The following RBFOX1 variants were observed in gnomAD, a reference collection of about 807,000 sequenced individuals.
The protein encoded by RBFOX1 is RNA binding protein fox-1 homolog 1.
Under a neutral mutation model 57.7 loss-of-function variants are expected in RBFOX1, and 8 were observed. That is an observed-to-expected ratio of 0.14 (90% CI 0.08 to 0.25). The LOEUF (loss-of-function observed/expected upper bound fraction) is 0.25, where lower values mean the gene tolerates loss of function less well. Ranked by LOEUF, RBFOX1 falls within the 10% of genes least tolerant of loss-of-function variation. The probability of loss-of-function intolerance (pLI) is 1.00; values close to 1 mark genes in which losing one functional copy is unlikely to be tolerated. For synonymous variants in RBFOX1, 326 were observed against 222.4 expected, an observed-to-expected ratio of 1.47 and a Z score of -4.15; for missense variants, 611 against 548.5, an observed-to-expected ratio of 1.11 and a Z score of -1.14.
chr16:6,226,959 A>T (rs1040896252), intron 1 of RBFOX1, among the ~76,000 whole-genome samples: 6 of 151,442 alleles, frequency 4.0e-5, no homozygotes, highest in Non-Finnish European at 8.8e-5. Context: ...AAAAAAAAAA[A>T]AAAAAAATAC....
intron 2 of RBFOX1, among the ~76,000 whole-genome samples, chr16:5,585,048 T>C (rs1295835986): frequency 6.6e-6 from 1 of 152,198 alleles, no homozygotes; most frequent in Non-Finnish European, 1.5e-5. Flanking sequence ...ATTTTGGAGT[T>C]AACAATTCAG....
chr16:7,026,076 T>C (rs2040832246), intron 3 of RBFOX1, among the ~76,000 whole-genome samples: 1 of 152,128 alleles, frequency 6.6e-6, no homozygotes, highest in African/African-American at 2.4e-5. Flanking sequence ...GTGTCCAGGC[T>C]GGGGTGCTTG....
At chr16:5,683,832 T>C (rs2050421486) in intron 3 of RBFOX1, among the ~76,000 whole-genome samples, 1 of 148,938 alleles carries the variant, frequency 6.7e-6, no homozygotes, top group Non-Finnish European at 1.5e-5. Flanking sequence ...TTAATGTATA[T>C]TATATGTAAA....
intron 4 of RBFOX1, among the ~76,000 whole-genome samples, chr16:7,167,936 G>A (rs891033556): frequency 6.6e-6 from 1 of 152,184 alleles, no homozygotes; most frequent in Non-Finnish European, 1.5e-5. Context: ...ATGCTGCGGG[G>A]TAGGGGATGT....
intron 1 of RBFOX1, among the ~76,000 whole-genome samples, chr16:6,152,971 A>C (rs1427028980): frequency 6.6e-6 from 1 of 151,480 alleles, no homozygotes; most frequent in African/African-American, 2.4e-5. Flanking sequence ...TTCTGGATCT[A>C]GGCCTTTTTC....
chr16:7,361,934 G>A (rs1180207072), intron 4 of RBFOX1, among the ~76,000 whole-genome samples: 2 of 151,354 alleles, frequency 1.3e-5, no homozygotes, highest in Admixed American at 6.6e-5. Flanking sequence ...GTGTTAGTGT[G>A]TATGTGTGTG....
rs755156249 is a variant in RBFOX1 at position 7,608,444 on chromosome 16, A to T, written c.676+1106A>T. ...CGATGTTTGGAGTTGTTCTTCATGTATGAGTTTTACCGGGAGCCTGGGTTA... is the reference window on the plus strand; with the variant it reads ...CGATGTTTGGAGTTGTTCTTCATGTTTGAGTTTTACCGGGAGCCTGGGTTA... On this transcript the variant is annotated intron_variant, in intron 10 of 15. Transcript: ENST00000550418. Among the ~76,000 whole-genome samples the T allele has an allele frequency of 5.3e-5, 8 of 152,342 alleles. No individual in the cohort carries two copies. The South Asian group carries it at 6.2e-4, about 12-fold the overall frequency.
chr16:6,522,298 G>C (rs1338002649), intron 2 of RBFOX1, among the ~76,000 whole-genome samples: 1 of 151,952 alleles, frequency 6.6e-6, no homozygotes, highest in Non-Finnish European at 1.5e-5. Flanking sequence ...ATTCAGAAGT[G>C]ATGGGAGGGA....
chr16:5,267,616 T>C (rs1374027149), intron 1 of RBFOX1, among the ~76,000 whole-genome samples: 1 of 152,046 alleles, frequency 6.6e-6, no homozygotes. Context: ...AAGGTTTGAG[T>C]TGAGATAGGG....
chr16:5,533,442 A>C (rs2044566607), intron 2 of RBFOX1, among the ~76,000 whole-genome samples: 1 of 152,174 alleles, frequency 6.6e-6, no homozygotes, highest in Non-Finnish European at 1.5e-5. Flanking sequence ...TTGCAGGCAC[A>C]CTGAGAGGGG....
chr16:6,511,104 C>T lies in RBFOX1; in HGVS notation c.-63-143499C>T, dbSNP rs574270108. Among the ~76,000 whole-genome samples, 7 of 152,244 alleles carry T rather than the reference C, an allele frequency of 4.6e-5. No homozygotes were observed. In the South Asian group the frequency reaches 6.2e-4, roughly 14 times the overall value. On this transcript the variant is annotated intron_variant, in intron 2 of 15. Coordinates refer to ENST00000550418, the MANE Select transcript of RBFOX1 (RefSeq NM_018723.4). The stretch of plus-strand genomic sequence containing the variant: ...AGCGTGGATCAGAATGGCTTTTCCA[C>T]GTAAGAGCAGGCACTGGATAAAGCC...
chr16:6,902,890 C>A (rs990938243), intron 3 of RBFOX1, among the ~76,000 whole-genome samples: 4 of 152,162 alleles, frequency 2.6e-5, no homozygotes, highest in Non-Finnish European at 5.9e-5. Flanking sequence ...GACTAAGCTC[C>A]TACTTTAGGC....
At chr16:5,813,459 T>A (rs1225057483) in intron 3 of RBFOX1, among the ~76,000 whole-genome samples, 1 of 152,166 alleles carries the variant, frequency 6.6e-6, no homozygotes, top group African/African-American at 2.4e-5. Context: ...ATCTATACAA[T>A]GGAATATGAT....
At chr16:5,941,207 G>A (rs865794665) in intron 4 of RBFOX1, among the ~76,000 whole-genome samples, 1 of 152,036 alleles carries the variant, frequency 6.6e-6, no homozygotes, top group African/African-American at 2.4e-5. Context: ...AGTAAAGAAG[G>A]GCCCAGGAGT....
At chr16:6,220,100 A>T (rs2097362433) in intron 1 of RBFOX1, among the ~76,000 whole-genome samples, 1 of 152,104 alleles carries the variant, frequency 6.6e-6, no homozygotes, top group South Asian at 2.1e-4. Context: ...ATATGTACAT[A>T]TATAAGGGTA....
At position 7,490,138 on chromosome 16, in the gene RBFOX1, C is replaced by A. The variant is rs576129935; in HGVS notation, c.28-28009C>A. ...TGAATGGAGGAGGCTGCAGAACTTCCTTCAGTCTTCTGAGCCATAATAAAT... is the reference window on the plus strand; with the variant it reads ...TGAATGGAGGAGGCTGCAGAACTTCATTCAGTCTTCTGAGCCATAATAAAT... On this transcript the variant is annotated intron_variant, in intron 4 of 15. Coordinates refer to ENST00000550418, the MANE Select transcript of RBFOX1 (RefSeq NM_018723.4). Among the ~76,000 whole-genome samples the A allele has an allele frequency of 2.0e-5, 3 of 152,292 alleles. No individual in the cohort carries two copies. In the East Asian group the frequency reaches 5.8e-4, roughly 29 times the overall value.
rs78962132 is a variant in RBFOX1 at position 5,346,099 on chromosome 16, G to A, written c.219+105994G>A. ...AGCCCACTACCTGGTGAAGGAGACA[G>A]ACAAGCGCACAGAGAAGTATGGCAG... On this transcript the variant is annotated intron_variant, in intron 1 of 2. Coordinates refer to the RBFOX1 transcript ENST00000585867. Among the ~76,000 whole-genome samples the A allele has an allele frequency of 4.4e-3, 670 of 152,338 alleles. 6 individuals are homozygous for A. The highest frequency in any genetic ancestry group is 0.015 in the African/African-American group (642 of 41,578).
intron 11 of RBFOX1, among the ~76,000 whole-genome samples, chr16:7,639,142 T>G (rs955970284): frequency 4.6e-5 from 7 of 152,178 alleles, no homozygotes; most frequent in Non-Finnish European, 8.8e-5. Context: ...AATGATCAAA[T>G]CTGGTTTCAG....
chr16:6,117,005 A>G (rs1174898428), intron 1 of RBFOX1, among the ~76,000 whole-genome samples: 4 of 152,208 alleles, frequency 2.6e-5, no homozygotes, highest in Non-Finnish European at 2.9e-5. Context: ...AGTATTAAAC[A>G]TCTAGTTCTG....
Sources: gnomAD v4.1 joint callset for allele counts (sites outside exome capture counted in the v4.1 genomes callset) on GRCh38, gnomAD v4.1.1 for gene constraint, MANE v1.5 for transcripts, NCBI Gene and HGNC (gene_info 2026-07-23, HGNC 2026-07-21) for gene names.